Variants in GPR39 observed in about 807,000 individuals in gnomAD.
GPR39 encodes zinc sensing receptor.
GPR39 carries 23 observed loss-of-function variants against 18.4 expected under a neutral mutation model. That is an observed-to-expected ratio of 1.25 (90% CI 0.90 to 1.77). The LOEUF (loss-of-function observed/expected upper bound fraction) is 1.77, where lower values mean the gene tolerates loss of function less well. Ranked by LOEUF, GPR39 falls within the 40% of genes most tolerant of loss-of-function variation. The pLI is 0.00. For missense variants in GPR39, 647 were observed against 602.4 expected (o/e 1.07, Z -0.78); for synonymous variants, 280 against 257.9 (o/e 1.09, Z -0.82).
At chr2:132,547,314 A>C (rs1290180797) in intron 1 of GPR39, among the ~76,000 whole-genome samples, 1 of 152,178 alleles carries the variant, frequency 6.6e-6, no homozygotes, top group Non-Finnish European at 1.5e-5. Flanking sequence ...ACGTACATTA[A>C]TTCCGGTCTT....
At chr2:132,514,588 A>T (rs758382231) in intron 1 of GPR39, among the ~76,000 whole-genome samples, 17 of 152,216 alleles carry the variant, frequency 1.1e-4, no homozygotes, top group Non-Finnish European at 2.2e-4. Context: ...CCATTGGAAC[A>T]GTAGTCAGGC....
At chr2:132,496,652 G>A (rs903888393) in intron 1 of GPR39, among the ~76,000 whole-genome samples, 1 of 152,204 alleles carries the variant, frequency 6.6e-6, no homozygotes, top group African/African-American at 2.4e-5. Flanking sequence ...GAGTCTGTTG[G>A]AGATTAGAAG....
intron 1 of GPR39, among the ~76,000 whole-genome samples, chr2:132,542,181 A>G (rs1446555144): frequency 1.3e-5 from 2 of 152,210 alleles, no homozygotes; most frequent in East Asian, 1.9e-4. Context: ...AGATTCCATG[A>G]AACAATACAT....
chr2:132,601,050 A>G (rs373035041), intron 1 of GPR39, among the ~76,000 whole-genome samples: 43 of 152,346 alleles, frequency 2.8e-4, no homozygotes, highest in Middle Eastern at 3.4e-3. Context: ...CTTTTAAATC[A>G]GAACTAACAC....
chr2:132,577,345 G>GA (rs111662809), intron 1 of GPR39, among the ~76,000 whole-genome samples: 3,243 of 146,492 alleles, frequency 0.022, 117 homozygotes, highest in African/African-American at 0.069. Context: ...CCCTGTCTCA[G>GA]AAAAAAAAAA....
intron 1 of GPR39, among the ~76,000 whole-genome samples, chr2:132,441,981 A>T (rs1680448750): frequency 6.6e-6 from 1 of 152,104 alleles, no homozygotes; most frequent in African/African-American, 2.4e-5. Context: ...TTGAAAATGC[A>T]GTTTTTTTTC....
At position 132,548,784 on chromosome 2, in the gene GPR39, C is replaced by T. The variant is rs149867909; in HGVS notation, c.857-96317C>T. On this transcript the variant is annotated intron_variant, in intron 1 of 1. Transcript: ENST00000329321. Reference sequence around the variant, plus strand: ...CAGCATTTGGTAAAACATAAGTCCCCAAGAAATGCAACTTTTTGCCATTAT... The same window carrying T: ...CAGCATTTGGTAAAACATAAGTCCCTAAGAAATGCAACTTTTTGCCATTAT... Among the ~76,000 whole-genome samples the T allele has an allele frequency of 1.9e-3, 292 of 152,262 alleles. 1 individual carries two copies. The highest frequency in any genetic ancestry group is 6.8e-3 in the African/African-American group (283 of 41,542).
At chr2:132,513,414 G>C (rs1341758207) in intron 1 of GPR39, among the ~76,000 whole-genome samples, 1 of 151,972 alleles carries the variant, frequency 6.6e-6, no homozygotes, top group Non-Finnish European at 1.5e-5. Flanking sequence ...AGTGAGCTGA[G>C]ATCGCGCCAC....
At chr2:132,533,655 C>T (rs1024128512) in intron 1 of GPR39, among the ~76,000 whole-genome samples, 3 of 152,132 alleles carry the variant, frequency 2.0e-5, no homozygotes, top group Non-Finnish European at 2.9e-5. Flanking sequence ...GAGATATAGA[C>T]CAATGGAACA....
chr2:132,492,769 TCCATATATATA>T (rs1681514142), intron 1 of GPR39, among the ~76,000 whole-genome samples: 2 of 75,308 alleles, frequency 2.7e-5, no homozygotes, highest in South Asian at 6.5e-4. Flanking sequence ...ATATATACAT[TCCATATATATA>T]CCATATATAT....
At chr2:132,552,368 C>T (rs79087050) in intron 1 of GPR39, among the ~76,000 whole-genome samples, 1,710 of 152,094 alleles carry the variant, frequency 0.011, 33 homozygotes, top group African/African-American at 0.039. Context: ...TGCAGCACCA[C>T]CCCAACTCTC....
At chr2:132,598,953 G>A (rs187469370) in intron 1 of GPR39, among the ~76,000 whole-genome samples, 1 of 152,280 alleles carries the variant, frequency 6.6e-6, no homozygotes, top group Admixed American at 6.5e-5. Flanking sequence ...GGAAAATGAT[G>A]TAGCAGGGAA....
intron 1 of GPR39, among the ~76,000 whole-genome samples, chr2:132,634,367 G>A (rs1681711592): frequency 6.6e-6 from 1 of 152,182 alleles, no homozygotes; most frequent in African/African-American, 2.4e-5. Flanking sequence ...GAGTAAGGCT[G>A]AGCATCTTGG....
chr2:132,572,681 T>A (rs1680462585), intron 1 of GPR39, among the ~76,000 whole-genome samples: 1 of 152,170 alleles, frequency 6.6e-6, no homozygotes, highest in African/African-American at 2.4e-5. Flanking sequence ...CTATGCTCCA[T>A]CAGGCACCAT....
chr2:132,531,297 G>A (rs1679625569), intron 1 of GPR39, among the ~76,000 whole-genome samples: 1 of 152,188 alleles, frequency 6.6e-6, no homozygotes, highest in Non-Finnish European at 1.5e-5. Flanking sequence ...TCAACAAGAA[G>A]AGCTAACTAT....
chr2:132,581,327 C>T (rs1003526610), intron 1 of GPR39, among the ~76,000 whole-genome samples: 3 of 134,550 alleles, frequency 2.2e-5, no homozygotes, highest in Non-Finnish European at 3.1e-5. Context: ...TATGGGGGAA[C>T]GATAGTGACT....
chr2:132,417,576 C>T lies in GPR39; in HGVS notation c.534C>T (p.Tyr178=). 2 of 1,614,098 alleles carry T rather than the reference C, an allele frequency of 1.2e-6. No individual in the cohort carries two copies. Among genetic ancestry groups the T allele is most frequent in the Non-Finnish European group, 1.7e-6 (2 of 1,180,012 alleles). Residue 178 remains tyrosine (Y), a synonymous_variant, in exon 1 of 2, where the codon TAC becomes TAT. Transcript: ENST00000329321. The part of the protein sequence containing the change: ...LPLLFAMGTE[Y]PLVNVPSHRG... ...TGCTGTTTGCCATGGGTACTGAGTA[C>T]CCCCTGGTGAACGTGCCCAGCCACC...
intron 1 of GPR39, chr2:132,605,011 T>C (rs1456797003): frequency 6.6e-6 from 1 of 152,254 alleles, no homozygotes; most frequent in Non-Finnish European, 1.5e-5. Flanking sequence ...TTACTCTTTA[T>C]AAGATACATG....
intron 1 of GPR39, among the ~76,000 whole-genome samples, chr2:132,470,391 C>T (rs976714199): frequency 5.9e-5 from 9 of 152,038 alleles, no homozygotes; most frequent in Non-Finnish European, 8.8e-5. Flanking sequence ...GTGATGAAGA[C>T]GTCTGGGGAA....
Sources: gnomAD v4.1 joint callset for allele counts (sites outside exome capture counted in the v4.1 genomes callset) on GRCh38, gnomAD v4.1.1 for gene constraint, MANE v1.5 for transcripts, NCBI Gene and HGNC (gene_info 2026-07-23, HGNC 2026-07-21) for gene names.